NCKAP5: variants seen among roughly 807,000 people sequenced by gnomAD.
The protein encoded by NCKAP5 is NCK associated protein 5.
A neutral mutation model predicts 167.0 loss-of-function variants in NCKAP5; 92 were observed. That is an observed-to-expected ratio of 0.55 (90% CI 0.47 to 0.66). NCKAP5 has a LOEUF of 0.66. Ranked by LOEUF, NCKAP5 falls within the 30% of genes least tolerant of loss-of-function variation. NCKAP5 has a pLI of 0.00. For synonymous variants in NCKAP5, 891 were observed against 877.4 expected, an observed-to-expected ratio of 1.02 and a Z score of -0.27; for missense variants, 2,378 against 2,315.0, an observed-to-expected ratio of 1.03 and a Z score of -0.56.
chr2:133,498,488 C>A (rs373687824), intron 3 of NCKAP5, among the ~76,000 whole-genome samples: 131 of 97,452 alleles, frequency 1.3e-3, no homozygotes, highest in African/African-American at 2.4e-3. Flanking sequence ...GGAAGGCAGG[C>A]AGGCAGGCAG....
At chr2:133,102,380 C>T (rs2081543336) in intron 6 of NCKAP5, among the ~76,000 whole-genome samples, 1 of 152,116 alleles carries the variant, frequency 6.6e-6, no homozygotes, top group Non-Finnish European at 1.5e-5. Context: ...ATCTCCTGAC[C>T]TCGTGATCCA....
At chr2:133,664,747 C>T in the NCKAP5 span, among the ~76,000 whole-genome samples, 6 of 152,180 alleles carry the variant, frequency 3.9e-5, no homozygotes, top group African/African-American at 7.2e-5. Flanking sequence ...ATCCACCTGC[C>T]TTGGCCTCCC....
chr2:133,204,423 AG>A (rs1473858538), intron 5 of NCKAP5, among the ~76,000 whole-genome samples: 1 of 152,172 alleles, frequency 6.6e-6, no homozygotes. Context: ...CATACATGTT[AG>A]ATTTTTTTAT....
the NCKAP5 span, among the ~76,000 whole-genome samples, chr2:133,634,766 C>T: frequency 2.0e-5 from 3 of 152,006 alleles, no homozygotes; most frequent in African/African-American, 7.2e-5. Context: ...ATTTATTCTG[C>T]GTGTATGTCC....
rs1444500672 is a variant in NCKAP5 at position 133,550,631 on chromosome 2, A to C, written c.-62+8419T>G. 3.0e-4 allele frequency among the ~76,000 whole-genome samples: 33 copies of C among 109,976 alleles called. 1 individual carries two copies. Among genetic ancestry groups the C allele is most frequent in the African/African-American group, 1.1e-3 (33 of 28,836 alleles). The allele number at this position is 109,976 out of a possible 152,430, so 72.1% of individuals were successfully genotyped here. On this transcript the variant is annotated intron_variant, in intron 2 of 19. Coordinates refer to ENST00000409261, the MANE Select transcript of NCKAP5 (RefSeq NM_207363.3). The stretch of plus-strand genomic sequence containing the variant: ...TAAGAGCTATCTATGACAAACCCAC[A>C]GCCAATATCATACTGAATGGGCAAA...
intron 5 of NCKAP5, among the ~76,000 whole-genome samples, chr2:133,203,340 T>C (rs1245452698): frequency 6.6e-6 from 1 of 151,566 alleles, no homozygotes; most frequent in Non-Finnish European, 1.5e-5. Flanking sequence ...AACTGAACAA[T>C]GAGAACACTT....
At chr2:133,197,301 A>G (rs1420492462) in intron 5 of NCKAP5, among the ~76,000 whole-genome samples, 1 of 152,196 alleles carries the variant, frequency 6.6e-6, no homozygotes, top group Non-Finnish European at 1.5e-5. Flanking sequence ...TAGTACACAC[A>G]TGGAATAAAT....
intron 5 of NCKAP5, among the ~76,000 whole-genome samples, chr2:133,189,600 T>G (rs2150071908): frequency 6.6e-6 from 1 of 152,238 alleles, no homozygotes; most frequent in East Asian, 1.9e-4. Context: ...TCAAGTTGGT[T>G]TCACCCCTGG....
intron 4 of NCKAP5, among the ~76,000 whole-genome samples, chr2:133,231,167 T>C (rs982629083): frequency 1.3e-5 from 2 of 151,976 alleles, no homozygotes; most frequent in Non-Finnish European, 2.9e-5. Flanking sequence ...ATGGAGAAAA[T>C]GGAGGCTCAA....
intron 3 of NCKAP5, among the ~76,000 whole-genome samples, chr2:133,321,310 G>A (rs1278578287): frequency 6.6e-6 from 1 of 152,132 alleles, no homozygotes; most frequent in Non-Finnish European, 1.5e-5. Flanking sequence ...GTTAGGCTCA[G>A]TTATATTCTT....
At chr2:132,848,219 T>C (rs543802271) in intron 11 of NCKAP5, among the ~76,000 whole-genome samples, 153 of 152,342 alleles carry the variant, frequency 1.0e-3, no homozygotes, top group African/African-American at 3.6e-3. Context: ...TCACATGTCC[T>C]GTCCTGATAT....
chr2:132,847,104 T>G (rs1326981774), intron 11 of NCKAP5, among the ~76,000 whole-genome samples: 1 of 152,126 alleles, frequency 6.6e-6, no homozygotes, highest in Non-Finnish European at 1.5e-5. Context: ...AATCTACAAG[T>G]ACATACAAAG....
intron 6 of NCKAP5, among the ~76,000 whole-genome samples, chr2:133,010,531 T>G (rs981100092): frequency 6.6e-6 from 1 of 152,232 alleles, no homozygotes; most frequent in Non-Finnish European, 1.5e-5. Flanking sequence ...TATTTGTGCA[T>G]GTATTCCCAA....
chr2:133,572,987 AG>A (rs1297476990), upstream of NCKAP5, among the ~76,000 whole-genome samples: 3 of 152,234 alleles, frequency 2.0e-5, no homozygotes, highest in Admixed American at 6.5e-5. Flanking sequence ...GTTCTTTAGG[AG>A]GGAGCCCTGT....
At chr2:132,900,562 A>G (rs894499125) in intron 8 of NCKAP5, among the ~76,000 whole-genome samples, 2 of 152,180 alleles carry the variant, frequency 1.3e-5, no homozygotes, top group African/African-American at 2.4e-5. Flanking sequence ...GGCACTTTCA[A>G]CTTCATGAAT....
intron 19 of NCKAP5, among the ~76,000 whole-genome samples, chr2:132,682,208 C>T (rs1043757633): frequency 6.6e-6 from 1 of 152,128 alleles, no homozygotes; most frequent in Non-Finnish European, 1.5e-5. Flanking sequence ...GTAGGATGCT[C>T]TTAATGGTCA....
intron 7 of NCKAP5, among the ~76,000 whole-genome samples, chr2:132,986,866 G>C (rs993887679): frequency 3.3e-5 from 5 of 152,140 alleles, no homozygotes; most frequent in Admixed American, 6.5e-5. Context: ...TAGGGTGTAA[G>C]AGGAATGTGT....
At position 132,782,602 on chromosome 2, in the gene NCKAP5, T is replaced by C. The variant is rs755324304; in HGVS notation, c.4209A>G (p.Val1403=). ...QGECPSANVA[V]LGEPGSDRRS... Reference sequence around the variant, plus strand: ...GGCGGTCACTGCCTGGTTCCCCAAGTACAGCCACATTGGCACTGGGGCACT... The same window carrying C: ...GGCGGTCACTGCCTGGTTCCCCAAGCACAGCCACATTGGCACTGGGGCACT... The change falls in exon 14 of 20, where the codon GTA becomes GTG. Residue 1403 remains valine (V), a synonymous_variant. Coordinates refer to ENST00000409261, the MANE Select transcript of NCKAP5 (RefSeq NM_207363.3). 5.7e-6 allele frequency: 9 copies of C among 1,590,660 alleles called. No homozygotes were observed. The Middle Eastern group carries it at 8.4e-4, about 148-fold the overall frequency.
chr2:133,264,165 A>G (rs2089061439), intron 4 of NCKAP5, among the ~76,000 whole-genome samples: 1 of 152,230 alleles, frequency 6.6e-6, no homozygotes. Flanking sequence ...TCCAAGTTAC[A>G]TTCCAGTAAC....
Sources: allele counts gnomAD v4.1 joint callset (sites outside exome capture counted in the v4.1 genomes callset), GRCh38; gene constraint gnomAD v4.1.1; transcripts MANE v1.5; gene names NCBI Gene and HGNC (gene_info 2026-07-23, HGNC 2026-07-21).